Variants in SND1 observed in about 807,000 individuals in gnomAD.
The protein encoded by SND1 is staphylococcal nuclease and tudor domain containing 1, also known as staphylococcal nuclease domain-containing protein 1.
Under a neutral mutation model 121.7 loss-of-function variants are expected in SND1, and 38 were observed. That is an observed-to-expected ratio of 0.31 (90% confidence interval 0.24 to 0.41). The LOEUF (loss-of-function observed/expected upper bound fraction) is 0.41, where lower values mean the gene tolerates loss of function less well. Among genes scored for constraint, SND1 ranks in the 10% least tolerant of loss-of-function variants. The probability of loss-of-function intolerance (pLI) is 1.00; values close to 1 mark genes in which losing one functional copy is unlikely to be tolerated. For synonymous variants in SND1, 401 were observed against 447.4 expected, an observed-to-expected ratio of 0.90 and a Z score of 1.31; for missense variants, 868 against 1,184.6, an observed-to-expected ratio of 0.73 and a Z score of 3.92.
chr7:127,759,751 A>T (rs1797267887), intron 10 of SND1, among the ~76,000 whole-genome samples: 1 of 152,132 alleles, frequency 6.6e-6, no homozygotes, highest in South Asian at 2.1e-4. Flanking sequence ...CCATATATCC[A>T]CACCAACACC....
intron 16 of SND1, among the ~76,000 whole-genome samples, chr7:128,036,059 G>A (rs1792744329): frequency 6.6e-6 from 1 of 152,190 alleles, no homozygotes; most frequent in Admixed American, 6.5e-5. Flanking sequence ...AAGGAATTTG[G>A]GAAACTAGAA....
intron 10 of SND1, among the ~76,000 whole-genome samples, chr7:127,789,883 G>A (rs1797879079): frequency 6.6e-6 from 1 of 152,190 alleles, no homozygotes; most frequent in Non-Finnish European, 1.5e-5. Flanking sequence ...TAGTGGCCAT[G>A]TGTTACCATT....
chr7:128,088,186 G>A (rs1053937555), intron 21 of SND1, among the ~76,000 whole-genome samples: 5 of 151,462 alleles, frequency 3.3e-5, no homozygotes, highest in Admixed American at 2.6e-4. Context: ...AGTGGCTCAC[G>A]CCTGTAATCC....
chr7:128,080,620 TG>T (rs1793582560), intron 17 of SND1, among the ~76,000 whole-genome samples: 1 of 151,758 alleles, frequency 6.6e-6, no homozygotes, highest in South Asian at 2.1e-4. Flanking sequence ...GGAAGGGAGA[TG>T]GGGAGCTGGA....
chr7:127,837,371 G>A (rs1798886664), intron 11 of SND1, among the ~76,000 whole-genome samples: 1 of 152,122 alleles, frequency 6.6e-6, no homozygotes, highest in Non-Finnish European at 1.5e-5. Flanking sequence ...TTGACACGAT[G>A]TTTTAGAAAT....
At chr7:127,678,884 T>C (rs1458334095) in intron 1 of SND1, among the ~76,000 whole-genome samples, 1 of 152,202 alleles carries the variant, frequency 6.6e-6, no homozygotes, top group Non-Finnish European at 1.5e-5. Context: ...GGACCAAACT[T>C]TGCCTCCTCT....
chr7:127,997,426 G>T lies in SND1; in HGVS notation c.1779+6370G>T, dbSNP rs1252955942. The T allele has an allele frequency of 4.5e-5, 14 of 313,534 alleles. No homozygotes were observed. In the East Asian group the frequency reaches 1.1e-3, roughly 24 times the overall value. The allele number at this position is 313,534 out of a possible 1,614,324, so 19.4% of individuals were successfully genotyped here. On this transcript the variant is annotated intron_variant, in intron 16 of 23. Transcript: ENST00000354725. ...GACTGCAGAGGAATTTGAAGAATTT[G>T]CTATGCCCATGCCTCCCCTAAATAT... is the stretch of plus-strand genomic sequence containing the variant.
At chr7:128,088,897 C>T (rs914065942) in intron 21 of SND1, among the ~76,000 whole-genome samples, 4 of 151,898 alleles carry the variant, frequency 2.6e-5, no homozygotes, top group Non-Finnish European at 5.9e-5. Context: ...CACTTTTTCT[C>T]GGAGACACAG....
chr7:127,998,896 A>G (rs1802746213), intron 16 of SND1: 1 of 152,250 alleles, frequency 6.6e-6, no homozygotes, highest in South Asian at 2.1e-4. Context: ...ATAGGTGCCA[A>G]TACTGTGCTG....
At chr7:127,677,449 C>G (rs920855354) in intron 1 of SND1, among the ~76,000 whole-genome samples, 4 of 152,178 alleles carry the variant, frequency 2.6e-5, no homozygotes, top group African/African-American at 7.2e-5. Flanking sequence ...GTTTGTGTAA[C>G]TTGAATTGGT....
chr7:127,978,097 A>T (rs1290414262), intron 15 of SND1, among the ~76,000 whole-genome samples: 1 of 152,120 alleles, frequency 6.6e-6, no homozygotes, highest in Non-Finnish European at 1.5e-5. Flanking sequence ...ATCACAGTGA[A>T]TGGAGAAGGT....
At chr7:127,708,052 A>G (rs1796232636) in intron 9 of SND1, among the ~76,000 whole-genome samples, 1 of 152,188 alleles carries the variant, frequency 6.6e-6, no homozygotes, top group African/African-American at 2.4e-5. Context: ...TAGGAACCAC[A>G]TTTGGAGTAT....
chr7:127,709,311 T>C (rs1372495434), intron 9 of SND1, among the ~76,000 whole-genome samples: 1 of 152,174 alleles, frequency 6.6e-6, no homozygotes, highest in Non-Finnish European at 1.5e-5. Flanking sequence ...GGATGATTTT[T>C]CACCCAAAAA....
intron 10 of SND1, among the ~76,000 whole-genome samples, chr7:127,745,517 TCAGAATTCTACTGCTTGGGTTAC>T (rs1796966555): frequency 6.6e-6 from 1 of 152,178 alleles, no homozygotes; most frequent in Non-Finnish European, 1.5e-5. Flanking sequence ...TTTTTTATTT[TCAGAATTCTACTGCTTGGGTTAC>T]CAGAATCTTC....
intron 16 of SND1, among the ~76,000 whole-genome samples, chr7:128,047,887 G>T (rs1486898057): frequency 6.7e-6 from 1 of 148,946 alleles, no homozygotes; most frequent in East Asian, 2.0e-4. Context: ...CGCTCTTATT[G>T]CCCAGGCTAG....
chr7:127,955,171 T>G (rs1240651369), intron 15 of SND1, among the ~76,000 whole-genome samples: 1 of 152,204 alleles, frequency 6.6e-6, no homozygotes, highest in Non-Finnish European at 1.5e-5. Context: ...TTATTTATTT[T>G]AGGTCCATGA....
At chr7:127,903,025 G>T (rs188963864) in intron 13 of SND1, among the ~76,000 whole-genome samples, 3 of 152,142 alleles carry the variant, frequency 2.0e-5, no homozygotes, top group Non-Finnish European at 4.4e-5. Context: ...GGGATTCCAG[G>T]TACCTGCCAC....
At chr7:127,822,206 C>G (rs529981601) in intron 11 of SND1, among the ~76,000 whole-genome samples, 1 of 152,126 alleles carries the variant, frequency 6.6e-6, no homozygotes, top group Non-Finnish European at 1.5e-5. Context: ...TAGGCCTACC[C>G]GGGAAGATAC....
Position 127,904,835 on chromosome 7 carries a change from G to C in SND1, c.1527+16G>C. The stretch of plus-strand genomic sequence containing the variant: ...TATATCTGGGGTGAGTCGAGTCCCT[G>C]AATCAAGCTGTGTGGCTCAGAGGCT... On this transcript the variant is annotated intron_variant, in intron 14 of 23. Coordinates refer to ENST00000354725, the MANE Select transcript of SND1 (RefSeq NM_014390.4). 6.5e-7 allele frequency: 1 copy of C among 1,538,758 alleles called. No individual in the cohort carries two copies. Among genetic ancestry groups the C allele is most frequent in the Non-Finnish European group, 9.0e-7 (1 of 1,111,424 alleles).
Sources: gnomAD v4.1 joint callset for allele counts (sites outside exome capture counted in the v4.1 genomes callset) on GRCh38, gnomAD v4.1.1 for gene constraint, MANE v1.5 for transcripts, NCBI Gene and HGNC (gene_info 2026-07-23, HGNC 2026-07-21) for gene names.